The following SCAP variants were observed in gnomAD, a reference collection of about 807,000 sequenced individuals.
SCAP encodes the protein sterol regulatory element-binding protein cleavage-activating protein.
Under a neutral mutation model 123.6 loss-of-function variants are expected in SCAP, and 65 were observed. The observed-to-expected ratio is 0.53, with a 90% CI of 0.43 to 0.65. The LOEUF is 0.65. Among genes scored for constraint, SCAP ranks in the 30% least tolerant of loss-of-function variants. The pLI, the probability that SCAP is intolerant of heterozygous loss-of-function variation, is 0.00. For missense variants in SCAP, 1,398 were observed against 1,712.5 expected (o/e 0.82, Z 3.24); for synonymous variants, 740 against 726.3 (o/e 1.02, Z -0.30).
intron 1 of SCAP, among the ~76,000 whole-genome samples, chr3:47,470,369 C>G (rs1209948112): frequency 6.6e-6 from 1 of 152,168 alleles, no homozygotes; most frequent in East Asian, 1.9e-4. Flanking sequence ...ACTAGAGACC[C>G]TAAAGGGGCT....
rs780615493 is a variant in SCAP, at chr3:47,425,547, G to A, written c.975C>T (p.Ser325=). The A allele has an allele frequency of 3.7e-6, 6 of 1,614,110 alleles. No individual in the cohort carries two copies. In the South Asian group the frequency reaches 6.6e-5, roughly 18 times the overall value. The change falls in exon 8 of 23, where the codon AGC becomes AGT. Residue 325 remains serine, a synonymous_variant. Transcript: ENST00000265565. ...LALAAVVTVL[S]SLLMSVGLCT... is the part of the protein sequence containing the mutation. Reference sequence around the variant, plus strand: ...AGAGTCCCACAGACATGAGCAGCGAGCTGAGCACTGTGACCACGGCAGCCA... The same window carrying A: ...AGAGTCCCACAGACATGAGCAGCGAACTGAGCACTGTGACCACGGCAGCCA...
chr3:47,415,704 G>A (rs1328692850), intron 18 of SCAP, among the ~76,000 whole-genome samples: 1 of 152,172 alleles, frequency 6.6e-6, no homozygotes, highest in African/African-American at 2.4e-5. Flanking sequence ...TGACAGGCAG[G>A]GATGGGTATA....
At chr3:47,442,835 ACTGGCC>A (rs1706858511) in intron 2 of SCAP, 31 bp downstream of exon 2, 1 of 1,592,782 alleles carries the variant, frequency 6.3e-7, no homozygotes, top group African/African-American at 1.3e-5. Context: ...GTCCTAAGAC[ACTGGCC>A]CACCATATCC....
intron 2 of SCAP, 67 bp from the exon 3 acceptor site, chr3:47,435,204 C>T (rs1706521258): frequency 8.0e-6 from 12 of 1,508,090 alleles, no homozygotes; most frequent in Non-Finnish European, 1.1e-5. Context: ...AGCACTGACA[C>T]AGGAGCCACT....
chr3:47,453,480 T>A (rs879678577), intron 1 of SCAP, among the ~76,000 whole-genome samples: 3 of 152,216 alleles, frequency 2.0e-5, no homozygotes, highest in Non-Finnish European at 4.4e-5. Flanking sequence ...AGGCCATACT[T>A]CTTTGCTTAT....
At position 47,414,107 on chromosome 3, in the gene SCAP, C is replaced by T. The variant is rs775479060; in HGVS notation, c.3595-8G>A. On this transcript the variant is annotated splice_region_variant and splice_polypyrimidine_tract_variant and intron_variant, in intron 22 of 22. Transcript: ENST00000265565. The stretch of plus-strand genomic sequence containing the variant: ...TGCACCACAGCCCAGGTCCTGGAGG[C>T]AAGGACATGACAAGCTCAGTCCTGA... 1.2e-6 allele frequency: 2 copies of T among 1,613,440 alleles called. No homozygotes were observed. The highest frequency in any genetic ancestry group is 1.7e-6 in the Non-Finnish European group (2 of 1,180,014).
intron 9 of SCAP, among the ~76,000 whole-genome samples, chr3:47,423,329 G>A (rs1332748330): frequency 2.0e-5 from 3 of 152,236 alleles, no homozygotes; most frequent in African/African-American, 7.2e-5. Context: ...CTCTGAAATG[G>A]CCAGCCCCCG....
intron 10 of SCAP, 98 bp from the exon 11 acceptor site, chr3:47,421,127 G>A (rs1315395240): frequency 5.3e-6 from 5 of 936,758 alleles, no homozygotes; most frequent in Non-Finnish European, 8.8e-6. Context: ...ATAACCGGCA[G>A]GGCAGCAGCA....
chr3:47,472,731 T>C (rs1395146550), intron 1 of SCAP, among the ~76,000 whole-genome samples: 1 of 151,912 alleles, frequency 6.6e-6, no homozygotes, highest in Non-Finnish European at 1.5e-5. Context: ...GACGCTGGCT[T>C]CCTCCCACCA....
intron 1 of SCAP, among the ~76,000 whole-genome samples, chr3:47,470,777 C>T (rs1157985862): frequency 6.6e-6 from 1 of 152,092 alleles, no homozygotes; most frequent in Non-Finnish European, 1.5e-5. Flanking sequence ...AGGAGAGTCG[C>T]TTGAACCCAG....
intron 1 of SCAP, among the ~76,000 whole-genome samples, chr3:47,448,170 GTA>G (rs1252214520): frequency 6.6e-6 from 1 of 152,040 alleles, no homozygotes; most frequent in Non-Finnish European, 1.5e-5. Context: ...CATCAGCATT[GTA>G]TAGTTTTCAG....
rs886222930 is a variant in SCAP, at chr3:47,420,268, C to T, written c.1563+286G>A. Among the ~76,000 whole-genome samples the T allele has an allele frequency of 6.6e-6, 1 of 152,226 alleles. No individual in the cohort carries two copies. Among genetic ancestry groups the T allele is most frequent in the African/African-American group, 2.4e-5 (1 of 41,460 alleles). ...ATGTGGTGGCCACAAGTGGGTCCAT[C>T]CCAGAGCACTCAACTAACAGGCTCC... On this transcript the variant is annotated intron_variant, in intron 12 of 22. Coordinates refer to ENST00000265565, the MANE Select transcript of SCAP (RefSeq NM_012235.4). The surrounding 1 kb of genome is among the most constrained non-coding windows in gnomAD (Gnocchi z 5.0).
intron 2 of SCAP, among the ~76,000 whole-genome samples, chr3:47,437,566 C>T (rs1049601205): frequency 1.1e-4 from 17 of 150,946 alleles, no homozygotes; most frequent in Non-Finnish European, 1.0e-4. Flanking sequence ...CATGGTGAAA[C>T]GCCATCCCTA....
intron 5 of SCAP, 26 bp from the exon 6 acceptor site, chr3:47,427,288 G>GA: frequency 1.9e-6 from 3 of 1,595,258 alleles, no homozygotes; most frequent in Non-Finnish European, 2.6e-6. Context: ...AGCAGGTACT[G>GA]ACACAGAAAT....
At chr3:47,466,853 G>A (rs970929969) in intron 1 of SCAP, among the ~76,000 whole-genome samples, 2 of 152,266 alleles carry the variant, frequency 1.3e-5, no homozygotes, top group South Asian at 2.1e-4. Context: ...GGAAGCCAAG[G>A]CAAGCGGACT....
rs773715828 is a variant in SCAP, at chr3:47,442,937, C to T, written c.57G>A (p.Gly19=). Residue 19 remains glycine (G), a synonymous_variant, in exon 2 of 23, where the codon GGG becomes GGA. Coordinates refer to ENST00000265565, the MANE Select transcript of SCAP (RefSeq NM_012235.4). ...GGATGGGATAGGATGCACAGAGGAG[C>T]CCATGGTTGTAGAAGGCCCGAGATA... is the stretch of plus-strand genomic sequence containing the variant. The part of the protein sequence containing the change: ...EKISRAFYNH[G]LLCASYPIPI... The T allele has an allele frequency of 4.3e-6, 7 of 1,614,114 alleles. No individual in the cohort carries two copies. The highest frequency in any genetic ancestry group is 5.9e-6 in the Non-Finnish European group (7 of 1,180,022).
chr3:47,417,054 G>A lies in SCAP; in HGVS notation c.3056+68C>T. On this transcript the variant is annotated intron_variant, in intron 18 of 22. Coordinates refer to ENST00000265565, the MANE Select transcript of SCAP (RefSeq NM_012235.4). ...GCAGTTGAAGAGAACCAGAACTCAA[G>A]ACTCAAGAGAGTATGGCCTAGCCAA... 13 of 1,394,472 alleles carry A rather than the reference G, an allele frequency of 9.3e-6. No individual in the cohort carries two copies. The South Asian group carries it at 1.6e-4, about 17-fold the overall frequency. 86.4% of individuals were successfully genotyped at this position (1,394,472 alleles called of 1,614,324 possible).
rs571056407 is a variant in SCAP, at chr3:47,419,231, T to C, written c.1940+97A>G. ...ACAACCTTATGAACTGTTTTAATTA[T>C]TTGCATAATTCAAACCTGTGGGCCT... is the stretch of plus-strand genomic sequence containing the variant. On this transcript the variant is annotated intron_variant, in intron 13 of 22. Transcript: ENST00000265565. The surrounding 1 kb of genome is among the most constrained non-coding windows in gnomAD (Gnocchi z 5.0). 1.1e-4 allele frequency: 163 copies of C among 1,438,192 alleles called. 4 individuals carry two copies. The African/African-American group carries it at 2.2e-3, about 19-fold the overall frequency. 89.1% of individuals were successfully genotyped at this position (1,438,192 alleles called of 1,614,324 possible).
At chr3:47,471,189 G>T (rs868727082) in intron 1 of SCAP, among the ~76,000 whole-genome samples, 33 of 152,234 alleles carry the variant, frequency 2.2e-4, no homozygotes, top group Admixed American at 1.4e-3. Context: ...TAGCAAAAAT[G>T]AGTACAGAAG....
Sources: allele counts gnomAD v4.1 joint callset (sites outside exome capture counted in the v4.1 genomes callset), GRCh38; gene constraint gnomAD v4.1.1; non-coding constraint Gnocchi (gnomAD v3.1); transcripts MANE v1.5; gene names NCBI Gene and HGNC (gene_info 2026-07-23, HGNC 2026-07-21).